PCDHGA11: variants seen among roughly 807,000 people sequenced by gnomAD.
The protein encoded by PCDHGA11 is protocadherin gamma-A11.
Under a neutral mutation model 60.4 loss-of-function variants are expected in PCDHGA11, and 39 were observed. The observed-to-expected ratio is 0.65, with a 90% CI of 0.50 to 0.84. The LOEUF (loss-of-function observed/expected upper bound fraction) is 0.84. Among genes scored for constraint, PCDHGA11 ranks in the 40% least tolerant of loss-of-function variants. The pLI is 0.00. For synonymous variants in PCDHGA11, 533 were observed against 510.3 expected (o/e 1.04, Z -0.60); for missense variants, 1,165 against 1,197.7 (o/e 0.97, Z 0.40).
rs772962568 is a variant in PCDHGA11, at chr5:141,476,311, G to A, written c.2434-18496G>A. The stretch of plus-strand genomic sequence containing the variant: ...ATCTCGGTAGCCTCTCAGCCCGCAG[G>A]TTCCGGGTGGTGTCTGGAGCTAGCC... On this transcript the variant is annotated intron_variant, in intron 1 of 3. Transcript: ENST00000398587. The surrounding 1 kb of genome is among the most constrained non-coding windows in gnomAD (Gnocchi z 7.6). 13 of 1,613,680 alleles carry A rather than the reference G, an allele frequency of 8.1e-6. No individual in the cohort carries two copies. The African/African-American group carries it at 1.5e-4, about 18-fold the overall frequency.
rs1481151067 is a variant in PCDHGA11, at chr5:141,477,223, T to A, written c.2434-17584T>A. On this transcript the variant is annotated intron_variant, in intron 1 of 3. Transcript: ENST00000398587. This position sits in a 1 kb window ranked among gnomAD's most constrained non-coding sequence, Gnocchi z 4.9. ...TACCCGAGGATGCCCCTCTGGGGAC[T>A]GTCATCGCTTTGCTCAGTGTGACTG... The A allele has an allele frequency of 6.2e-7, 1 of 1,614,198 alleles. No individual in the cohort carries two copies. The highest frequency in any genetic ancestry group is 1.1e-5 in the South Asian group (1 of 91,084).
chr5:141,468,763 G>A (rs1341363934), intron 1 of PCDHGA11, among the ~76,000 whole-genome samples: 1 of 152,078 alleles, frequency 6.6e-6, no homozygotes, highest in Non-Finnish European at 1.5e-5. Flanking sequence ...CTACTCGGGA[G>A]GCTGAGGCAG....
At chr5:141,438,591 CATAT>C (rs946798767) in intron 1 of PCDHGA11, among the ~76,000 whole-genome samples, 213 of 75,464 alleles carry the variant, frequency 2.8e-3, no homozygotes, top group African/African-American at 5.5e-3. Flanking sequence ...TACATACATA[CATAT>C]ATATATATAT....
intron 1 of PCDHGA11, among the ~76,000 whole-genome samples, chr5:141,466,443 C>T (rs906096545): frequency 6.6e-6 from 1 of 152,186 alleles, no homozygotes; most frequent in African/African-American, 2.4e-5. Context: ...ACCGAGATGT[C>T]TATGGTGTTG....
Position 141,423,397 on chromosome 5 carries a change from C to A in PCDHGA11, c.2170C>A (p.Arg724Ser). 1.9e-6 allele frequency: 3 copies of A among 1,614,146 alleles called. No homozygotes were observed. Among genetic ancestry groups the A allele is most frequent in the Non-Finnish European group, 2.5e-6 (3 of 1,179,988 alleles). The change falls in exon 1 of 4, where the codon CGC becomes AGC. Residue 724 changes from arginine (R) to serine (S), a missense_variant. Transcript: ENST00000398587. ...CAGGCTGTGGCGCTGGCATAAGTCA[C>A]GCCTGCTGCAGGCTTCTGAAGGCGG... ...ALRLWRWHKSRLLQASEGGLA... is the reference protein window; with the variant it reads ...ALRLWRWHKSSLLQASEGGLA...
chr5:141,509,864 A>G (rs2099878667), intron 3 of PCDHGA11, among the ~76,000 whole-genome samples: 1 of 152,262 alleles, frequency 6.6e-6, no homozygotes, highest in East Asian at 1.9e-4. Context: ...GATAAGGTCC[A>G]AGCTGCTGGT....
In PCDHGA11 at chr5:141,443,329, A is replaced by AC. The variant is rs58846402; in HGVS notation, c.2433+19670dup. 1.9e-4 allele frequency among the ~76,000 whole-genome samples: 29 copies of AC among 151,590 alleles called. No individual in the cohort carries two copies. In the East Asian group the frequency reaches 4.3e-3, roughly 22 times the overall value. ...AAACCCATCTCTACAAAAAAAAAAA[A>AC]CAAAAATTAACAAGGTTTAGTGGTC... On this transcript the variant is annotated intron_variant, in intron 1 of 3. Coordinates refer to ENST00000398587, the MANE Select transcript of PCDHGA11 (RefSeq NM_018914.3).
Position 141,491,300 on chromosome 5 carries a change from G to T in PCDHGA11, c.2434-3507G>T. On this transcript the variant is annotated intron_variant, in intron 1 of 3. Coordinates refer to ENST00000398587, the MANE Select transcript of PCDHGA11 (RefSeq NM_018914.3). The surrounding 1 kb of genome is among the most constrained non-coding windows in gnomAD (Gnocchi z 6.9). Reference sequence around the variant, plus strand: ...GACTTCCTCATACACCCTCCTGAGCGTTCAGACCTTACCCTTTACCTCATT... The same window carrying T: ...GACTTCCTCATACACCCTCCTGAGCTTTCAGACCTTACCCTTTACCTCATT... The T allele has an allele frequency of 6.2e-7, 1 of 1,614,136 alleles. No homozygotes were observed. The highest frequency in any genetic ancestry group is 8.5e-7 in the Non-Finnish European group (1 of 1,179,962).
chr5:141,445,890 T>C (rs1435563284), intron 1 of PCDHGA11, among the ~76,000 whole-genome samples: 1 of 152,210 alleles, frequency 6.6e-6, no homozygotes, highest in Non-Finnish European at 1.5e-5. Context: ...ACTTAGGAGC[T>C]ATTAAAATAT....
chr5:141,460,026 C>T (rs565259315), intron 1 of PCDHGA11, among the ~76,000 whole-genome samples: 36 of 152,090 alleles, frequency 2.4e-4, no homozygotes, highest in Non-Finnish European at 3.2e-4. Flanking sequence ...TGCAGTGAGC[C>T]GAGACTGCAC....
intron 2 of PCDHGA11, among the ~76,000 whole-genome samples, chr5:141,502,431 G>A (rs998074347): frequency 1.3e-5 from 2 of 151,948 alleles, no homozygotes; most frequent in African/African-American, 4.8e-5. Context: ...TTCTCTGATG[G>A]TTAGATTCAG....
chr5:141,487,442 G>A lies in PCDHGA11; in HGVS notation c.2434-7365G>A, dbSNP rs749842864. 1 of 1,613,918 alleles carries A rather than the reference G, an allele frequency of 6.2e-7. No homozygotes were observed. Among genetic ancestry groups the A allele is most frequent in the Non-Finnish European group, 8.5e-7 (1 of 1,179,798 alleles). On this transcript the variant is annotated intron_variant, in intron 1 of 3. Coordinates refer to ENST00000398587, the MANE Select transcript of PCDHGA11 (RefSeq NM_018914.3). The surrounding 1 kb of genome is among the most constrained non-coding windows in gnomAD (Gnocchi z 5.0). ...GATCCTCCGAATCCAGCTAGGGTCA[G>A]ATGACCCTATCAAGTTTGTTGATGT...
At chr5:141,463,176 C>T (rs989201395) in intron 1 of PCDHGA11, among the ~76,000 whole-genome samples, 2 of 152,100 alleles carry the variant, frequency 1.3e-5, no homozygotes, top group African/African-American at 4.8e-5. Context: ...TATGTATGCT[C>T]AGATTATTAT....
chr5:141,506,434 C>A lies in PCDHGA11; in HGVS notation c.2581+953C>A, dbSNP rs139627189. Among the ~76,000 whole-genome samples the A allele has an allele frequency of 8.5e-4, 112 of 131,752 alleles. 2 individuals are homozygous for A. The highest frequency in any genetic ancestry group is 3.3e-3 in the African/African-American group (107 of 32,408). 86.4% of individuals were successfully genotyped at this position (131,752 alleles called of 152,430 possible). ...TGCACTCCAGCCTGGGCAACAGTCT[C>A]GCTCTGTCTCAAAAAAAAAAAAAAA... On this transcript the variant is annotated intron_variant, in intron 3 of 3. Transcript: ENST00000398587.
intron 1 of PCDHGA11, among the ~76,000 whole-genome samples, chr5:141,430,357 T>C (rs1258305414): frequency 1.3e-5 from 2 of 149,904 alleles, no homozygotes; most frequent in Non-Finnish European, 3.0e-5. Context: ...ATTTAAAAGC[T>C]CATTGGGGAA....
intron 1 of PCDHGA11, among the ~76,000 whole-genome samples, chr5:141,482,757 T>G: frequency 7.9e-6 from 1 of 127,194 alleles, no homozygotes; most frequent in Admixed American, 7.7e-5. Flanking sequence ...GATTATGGTA[T>G]TTCATTATCA....
At position 141,432,646 on chromosome 5, in the gene PCDHGA11, G is replaced by A. The variant is rs780822589; in HGVS notation, c.2433+8986G>A. 9.3e-6 allele frequency: 15 copies of A among 1,613,690 alleles called. No individual in the cohort carries two copies. The highest frequency in any genetic ancestry group is 1.3e-5 in the Non-Finnish European group (15 of 1,179,944). ...TGCACACGGGCGAGGTGCGCACGGCGCGAGCCCTGCTGGACAGAGACGCGC... is the reference window on the plus strand; with the variant it reads ...TGCACACGGGCGAGGTGCGCACGGCACGAGCCCTGCTGGACAGAGACGCGC... On this transcript the variant is annotated intron_variant, in intron 1 of 3. Transcript: ENST00000398587. This position sits in a 1 kb window ranked among gnomAD's most constrained non-coding sequence, Gnocchi z 6.0.
At chr5:141,439,796 G>C (rs980000701) in intron 1 of PCDHGA11, 4 of 152,318 alleles carry the variant, frequency 2.6e-5, no homozygotes, top group African/African-American at 9.6e-5. Flanking sequence ...AATCCAAGAA[G>C]AGTTTGAAAA....
chr5:141,423,760 G>T, intron 1 of PCDHGA11, 100 bp downstream of exon 1: 23 of 279,644 alleles, frequency 8.2e-5, no homozygotes, highest in South Asian at 2.0e-4. Flanking sequence ...TGGGGGGGGG[G>T]TGGGGCGGCA....
Sources: allele counts gnomAD v4.1 joint callset (sites outside exome capture counted in the v4.1 genomes callset), GRCh38; gene constraint gnomAD v4.1.1; non-coding constraint Gnocchi (gnomAD v3.1); transcripts MANE v1.5; gene names NCBI Gene and HGNC (gene_info 2026-07-23, HGNC 2026-07-21).